The following ICE2 variants were observed in gnomAD, a reference collection of about 807,000 sequenced individuals.
ICE2 encodes little elongation complex subunit 2.
A neutral mutation model predicts 105.4 loss-of-function variants in ICE2; 87 were observed. The observed-to-expected ratio is 0.83, with a 90% confidence interval of 0.69 to 0.99. ICE2 has a LOEUF of 0.99. ICE2 is among the 50% of genes least tolerant of loss of function. The pLI is 0.00. For missense variants in ICE2, 1,323 were observed against 1,146.7 expected (o/e 1.15, Z -2.22); for synonymous variants, 399 against 392.0 (o/e 1.02, Z -0.21).
rs1306375088 is a variant in ICE2, at chr15:60,419,951, A to G, written c.*3683T>C. On this transcript the variant is annotated 3_prime_UTR_variant, in exon 16 of 16. Transcript: ENST00000261520. ...GTGGAGCTTAAGTGTGGGCTTAGCG[A>G]CTTACTAATCCTTCAGATGACTGCA... 6.6e-6 allele frequency: 1 copy of G among 152,194 alleles called. No individual in the cohort carries two copies. Among genetic ancestry groups the G allele is most frequent in the African/African-American group, 2.4e-5 (1 of 41,438 alleles). 9.4% of individuals were successfully genotyped at this position (152,194 alleles called of 1,614,324 possible).
At chr15:60,443,355 T>C (rs1302805326) in intron 11 of ICE2, among the ~76,000 whole-genome samples, 1 of 152,260 alleles carries the variant, frequency 6.6e-6, no homozygotes. Context: ...TTAGTACTTC[T>C]GACATTATAC....
At chr15:60,471,916 T>C (rs909266535) in intron 3 of ICE2, among the ~76,000 whole-genome samples, 2 of 152,142 alleles carry the variant, frequency 1.3e-5, no homozygotes, top group Non-Finnish European at 2.9e-5. Flanking sequence ...TCAAGTCTAC[T>C]AGTATCTTCT....
rs573993781 is a variant in ICE2, at chr15:60,434,391, G to A, written c.2510+1752C>T. Among the ~76,000 whole-genome samples, 247 of 152,150 alleles carry A rather than the reference G, an allele frequency of 1.6e-3. 1 individual carries two copies. Among genetic ancestry groups the A allele is most frequent in the African/African-American group, 5.7e-3 (236 of 41,500 alleles). ...GCTTCCCATGCACGGCGGCTACTTT[G>A]GCTCTAGCCTCCCTTAAGTAAAAAG... On this transcript the variant is annotated intron_variant, in intron 13 of 15. Coordinates refer to ENST00000261520, the MANE Select transcript of ICE2 (RefSeq NM_024611.6).
chr15:60,440,501 C>CAA (rs2063696504), intron 12 of ICE2: 1 of 152,022 alleles, frequency 6.6e-6, no homozygotes, highest in Non-Finnish European at 1.5e-5. Context: ...GCAGAGCAAA[C>CAA]AAACAAATCA....
intron 11 of ICE2, chr15:60,445,930 T>A (rs1039489353): frequency 4.3e-6 from 1 of 231,766 alleles, no homozygotes; most frequent in Non-Finnish European, 7.1e-6. Context: ...ACTGATACTA[T>A]ATGTATTCAT....
chr15:60,430,951 A>T (rs550790542), intron 14 of ICE2, among the ~76,000 whole-genome samples: 1 of 151,934 alleles, frequency 6.6e-6, no homozygotes, highest in Admixed American at 6.6e-5. Flanking sequence ...TCAGCTTTGC[A>T]ATCTCTGCCT....
intron 9 of ICE2, among the ~76,000 whole-genome samples, chr15:60,450,559 C>T (rs896627473): frequency 6.6e-6 from 1 of 152,196 alleles, no homozygotes; most frequent in African/African-American, 2.4e-5. Flanking sequence ...TTCAATCTGA[C>T]AGAGCACTTT....
chr15:60,424,785 C>T lies in ICE2; in HGVS notation c.2821-1023G>A, dbSNP rs543948846. ...CCTCCCACAGTGCTGGGATTATGGG[C>T]ATGAGCCACCGCGCCCAGCCAAGGT... On this transcript the variant is annotated intron_variant, in intron 15 of 15. Coordinates refer to ENST00000261520, the MANE Select transcript of ICE2 (RefSeq NM_024611.6). Among the ~76,000 whole-genome samples, 39 of 152,356 alleles carry T rather than the reference C, an allele frequency of 2.6e-4. No homozygotes were observed. In the South Asian group the frequency reaches 3.3e-3, roughly 13 times the overall value.
In ICE2 at chr15:60,423,467, C is replaced by A; in HGVS notation, c.*167G>T. Reference sequence around the variant, plus strand: ...TTCAAGGGTGAAAAGCATACCATTCCATTTTAGTTGAAATATTCCTTCACA... The same window carrying A: ...TTCAAGGGTGAAAAGCATACCATTCAATTTTAGTTGAAATATTCCTTCACA... On this transcript the variant is annotated 3_prime_UTR_variant, in exon 16 of 16. Coordinates refer to ENST00000261520, the MANE Select transcript of ICE2 (RefSeq NM_024611.6). The A allele has an allele frequency of 2.0e-6, 1 of 510,996 alleles. No homozygotes were observed. The highest frequency in any genetic ancestry group is 3.4e-6 in the Non-Finnish European group (1 of 297,082). 31.7% of individuals were successfully genotyped at this position (510,996 alleles called of 1,614,324 possible).
chr15:60,463,080 G>T (rs1047199709), intron 5 of ICE2, among the ~76,000 whole-genome samples: 1 of 152,122 alleles, frequency 6.6e-6, no homozygotes, highest in Non-Finnish European at 1.5e-5. Context: ...ATGCCTAATT[G>T]TAAGTAAATA....
chr15:60,449,592 T>A lies in ICE2; in HGVS notation c.1375A>T (p.Ile459Phe). Residue 459 changes from isoleucine to phenylalanine, a missense_variant, in exon 10 of 16, where the codon ATT becomes TTT. By Grantham distance (21) the Ile-to-Phe change is conservative. Transcript: ENST00000261520. The stretch of plus-strand genomic sequence containing the variant: ...TCCTTTTGCAATTGTTCCATCAGAA[T>A]CTGAGATAAACTTCTAGAATTAGCA... ...ISANSRSLSQ[I>F]LMEQLQKEKQ... The A allele has an allele frequency of 6.2e-7, 1 of 1,614,200 alleles. No homozygotes were observed. Among genetic ancestry groups the A allele is most frequent in the Non-Finnish European group, 8.5e-7 (1 of 1,180,032 alleles).
chr15:60,427,581 T>C (rs1382570392), intron 15 of ICE2, among the ~76,000 whole-genome samples: 1 of 152,152 alleles, frequency 6.6e-6, no homozygotes, highest in African/African-American at 2.4e-5. Flanking sequence ...TGCACCATGA[T>C]GCCAGGCTAA....
chr15:60,447,455 A>G (rs1472289645), intron 11 of ICE2: 2 of 152,122 alleles, frequency 1.3e-5, no homozygotes, highest in African/African-American at 4.8e-5. Context: ...TTTTTTCTGG[A>G]TTTTCGAATA....
chr15:60,463,680 G>T (rs2064341839), intron 5 of ICE2, among the ~76,000 whole-genome samples: 2 of 152,218 alleles, frequency 1.3e-5, no homozygotes, highest in South Asian at 4.1e-4. Flanking sequence ...GGCGGAAGCA[G>T]AACAGCTTGA....
chr15:60,469,432 T>C (rs2064522897), intron 3 of ICE2, among the ~76,000 whole-genome samples: 1 of 151,906 alleles, frequency 6.6e-6, no homozygotes, highest in African/African-American at 2.4e-5. Flanking sequence ...ATCCTGCACA[T>C]GCACCCTGGA....
At chr15:60,462,169 C>G (rs563152587) in intron 5 of ICE2, among the ~76,000 whole-genome samples, 3 of 152,192 alleles carry the variant, frequency 2.0e-5, no homozygotes, top group Admixed American at 6.5e-5. Flanking sequence ...TAAGGGAAAG[C>G]ATATCTTTTA....
chr15:60,476,469 A>T (rs2064765175), intron 2 of ICE2, among the ~76,000 whole-genome samples: 1 of 152,208 alleles, frequency 6.6e-6, no homozygotes, highest in African/African-American at 2.4e-5. Flanking sequence ...GATAGAAAAG[A>T]CTGAAGTATA....
At chr15:60,447,619 G>A (rs1343556721) in intron 11 of ICE2, 1 of 166,268 alleles carries the variant, frequency 6.0e-6, no homozygotes, top group African/African-American at 2.4e-5. Flanking sequence ...TTTGACTGGA[G>A]TTTGGCCTGT....
chr15:60,465,090 G>C (rs1043071800), intron 5 of ICE2, among the ~76,000 whole-genome samples: 1 of 152,102 alleles, frequency 6.6e-6, no homozygotes, highest in African/African-American at 2.4e-5. Flanking sequence ...ATTCCCTTTG[G>C]ATATATTTAG....
Sources: allele counts gnomAD v4.1 joint callset (sites outside exome capture counted in the v4.1 genomes callset), GRCh38; gene constraint gnomAD v4.1.1; transcripts MANE v1.5; gene names NCBI Gene and HGNC (gene_info 2026-07-23, HGNC 2026-07-21).